Variants in ZNF175 observed in about 807,000 individuals in gnomAD.
ZNF175 encodes zinc finger protein 175.
A neutral mutation model predicts 14.0 loss-of-function variants in ZNF175; 8 were observed. That is an observed-to-expected ratio of 0.57 (90% CI 0.34 to 1.03). The LOEUF is 1.03. Among genes scored for constraint, ZNF175 ranks in the 50% least tolerant of loss-of-function variants. The pLI is 0.03. For synonymous variants in ZNF175, 255 were observed against 296.8 expected, an observed-to-expected ratio of 0.86 and a Z score of 1.45; for missense variants, 764 against 849.5, an observed-to-expected ratio of 0.90 and a Z score of 1.25.
intron 4 of ZNF175, among the ~76,000 whole-genome samples, chr19:51,585,755 A>AAAAAC (rs547803912): frequency 8.5e-5 from 13 of 152,310 alleles, no homozygotes; most frequent in Middle Eastern, 3.4e-3. Flanking sequence ...TTCTTGGCAA[A>AAAAAC]AAAACAAAAC....
chr19:51,581,644 T>C (rs954391411), intron 3 of ZNF175, 127 bp downstream of exon 3: 37 of 1,518,374 alleles, frequency 2.4e-5, no homozygotes, highest in Non-Finnish European at 3.3e-5. Context: ...CTGGATTGTT[T>C]GTTTCTTTTG....
At position 51,573,378 on chromosome 19, in the gene ZNF175, G is replaced by C. The variant is rs777637982; in HGVS notation, c.49G>C (p.Glu17Gln). 10 of 1,612,528 alleles carry C rather than the reference G, an allele frequency of 6.2e-6. No individual in the cohort carries two copies. The Admixed American group carries it at 6.7e-5, about 11-fold the overall frequency. The stretch of plus-strand genomic sequence containing the variant: ...CCAGAAGCCTCAGGTCCTGGGTCCA[G>C]AGAAGCAGGATGGATCTTGCGAGGT... ...LSQKPQVLGP[E>Q]KQDGSCEASV... The change falls in exon 2 of 5, where the codon GAG becomes CAG. Residue 17 changes from glutamate to glutamine, a missense_variant. Coordinates refer to ENST00000262259, the MANE Select transcript of ZNF175 (RefSeq NM_007147.4).
Position 51,573,250 on chromosome 19 carries a change from A to T in ZNF175, c.-80A>T. ...CGCCGTGTCCCTGGTTGGAAAATCC[A>T]AACACCTATCCAGCTTCTGGCTCCT... On this transcript the variant is annotated 5_prime_UTR_variant, in exon 2 of 5. Transcript: ENST00000262259. The T allele has an allele frequency of 6.8e-7, 1 of 1,470,520 alleles. No individual in the cohort carries two copies. Among genetic ancestry groups the T allele is most frequent in the African/African-American group, 1.4e-5 (1 of 71,358 alleles). The allele number at this position is 1,470,520 out of a possible 1,614,324, so 91.1% of individuals were successfully genotyped here.
intron 2 of ZNF175, among the ~76,000 whole-genome samples, chr19:51,579,830 T>C (rs1004041965): frequency 6.6e-6 from 1 of 152,202 alleles, no homozygotes; most frequent in Non-Finnish European, 1.5e-5. Context: ...ACTCACCACA[T>C]GTAGCTATTG....
At chr19:51,582,550 G>A in intron 4 of ZNF175, among the ~76,000 whole-genome samples, 1 of 152,134 alleles carries the variant, frequency 6.6e-6, no homozygotes, top group East Asian at 1.9e-4. Context: ...GCCCACCTCG[G>A]CCTCCCAAAG....
At chr19:51,575,221 T>G (rs1367908723) in intron 2 of ZNF175, among the ~76,000 whole-genome samples, 7 of 134,856 alleles carry the variant, frequency 5.2e-5, no homozygotes, top group African/African-American at 1.5e-4. Context: ...TTTTTTTTTT[T>G]TTTTTTTTTT....
intron 2 of ZNF175, among the ~76,000 whole-genome samples, chr19:51,576,807 C>T (rs1036282623): frequency 3.3e-5 from 5 of 152,108 alleles, no homozygotes; most frequent in African/African-American, 1.2e-4. Context: ...AATCCTTTGG[C>T]TTTCTCTTCC....
chr19:51,579,344 C>T (rs969801190), intron 2 of ZNF175, among the ~76,000 whole-genome samples: 2 of 151,122 alleles, frequency 1.3e-5, no homozygotes, highest in African/African-American at 4.9e-5. Context: ...TCGCTTGAGT[C>T]TGAGAGGCAG....
At chr19:51,577,913 T>A (rs1035476461) in intron 2 of ZNF175, among the ~76,000 whole-genome samples, 3 of 151,222 alleles carry the variant, frequency 2.0e-5, no homozygotes, top group Admixed American at 6.6e-5. Context: ...TCCGCCCGCC[T>A]TGGCCTCCCA....
At chr19:51,577,818 C>T (rs373246557) in intron 2 of ZNF175, among the ~76,000 whole-genome samples, 44 of 152,000 alleles carry the variant, frequency 2.9e-4, no homozygotes, top group East Asian at 9.9e-4. Flanking sequence ...CGCCCGCCAC[C>T]ACACCAAGCT....
rs1196579483 is a variant in ZNF175, at chr19:51,589,934, T to C, written c.*1467T>C. The C allele has an allele frequency of 3.5e-6, 1 of 289,578 alleles. No homozygotes were observed. The highest frequency in any genetic ancestry group is 6.4e-6 in the Non-Finnish European group (1 of 155,184). 17.9% of individuals were successfully genotyped at this position (289,578 alleles called of 1,614,324 possible). On this transcript the variant is annotated 3_prime_UTR_variant, in exon 5 of 5. Transcript: ENST00000262259. The stretch of plus-strand genomic sequence containing the variant: ...CTATGTTCATCATCATATACCTGTG[T>C]AAGTACTCTTTCATTGATTTATAAA...
At position 51,589,447 on chromosome 19, in the gene ZNF175, C is replaced by T. The variant is rs750701578; in HGVS notation, c.*980C>T. On this transcript the variant is annotated 3_prime_UTR_variant, in exon 5 of 5. Coordinates refer to ENST00000262259, the MANE Select transcript of ZNF175 (RefSeq NM_007147.4). ...AGGTTGTATCAACAATGATTAACTC[C>T]TTTATTATACATACACATGAATGTG... is the stretch of plus-strand genomic sequence containing the variant. 8.6e-5 allele frequency: 55 copies of T among 638,526 alleles called. No individual in the cohort carries two copies. Among genetic ancestry groups the T allele is most frequent in the Non-Finnish European group, 1.4e-4 (48 of 355,500 alleles). 39.6% of individuals were successfully genotyped at this position (638,526 alleles called of 1,614,324 possible). A position where few individuals can be genotyped will look rare whatever the true frequency, so the allele number is the denominator to read the frequency against.
At position 51,581,446 on chromosome 19, in the gene ZNF175, A is replaced by G. The variant is rs1362171738; in HGVS notation, c.128A>G (p.Gln43Arg). 12 of 1,614,048 alleles carry G rather than the reference A, an allele frequency of 7.4e-6. No individual in the cohort carries two copies. The highest frequency in any genetic ancestry group is 1.0e-5 in the Non-Finnish European group (12 of 1,180,044). Residue 43 changes from glutamine to arginine, a missense_variant, in exon 3 of 5, where the codon CAA (glutamine) becomes CGA (arginine). Gln to Arg is a conservative substitution (Grantham distance 43). Transcript: ENST00000262259. The part of the protein sequence containing the change: ...TVDFSREEWQ[Q>R]LDPAQRCLYR... ...GACTTCAGCAGGGAGGAGTGGCAGC[A>G]ACTGGACCCTGCCCAGAGATGCCTG...
chr19:51,581,935 C>G (rs1568575016), intron 4 of ZNF175, 53 bp downstream of exon 4: 2 of 1,524,586 alleles, frequency 1.3e-6, no homozygotes, highest in Non-Finnish European at 1.8e-6. Context: ...GAACCATTAC[C>G]AGTCTACCAT....
At chr19:51,573,516 C>G in intron 2 of ZNF175, 115 bp downstream of exon 2, 1 of 947,306 alleles carries the variant, frequency 1.1e-6, no homozygotes, top group Non-Finnish European at 1.6e-6. Context: ...CAAGCGAGGA[C>G]CACAGAGGCT....
Position 51,588,213 on chromosome 19 carries a change from T to C in ZNF175, c.1882T>C (p.Ser628Pro). Residue 628 changes from serine (S) to proline (P), a missense_variant, in exon 5 of 5, where the codon TCA (serine) becomes CCA (proline). Physicochemically the swap from Ser to Pro is moderately conservative, Grantham distance 74. Coordinates refer to ENST00000262259, the MANE Select transcript of ZNF175 (RefSeq NM_007147.4). ...YKCGKAFVQK[S>P]ELITHQRTHM... ...ATGTGGGAAGGCTTTTGTCCAGAAA[T>C]CAGAGTTGATTACCCATCAAAGAAC... 1 of 1,613,978 alleles carries C rather than the reference T, an allele frequency of 6.2e-7. No individual in the cohort carries two copies. Among genetic ancestry groups the C allele is most frequent in the Non-Finnish European group, 8.5e-7 (1 of 1,179,988 alleles).
At chr19:51,575,222 T>G (rs1458479021) in intron 2 of ZNF175, among the ~76,000 whole-genome samples, 2 of 137,912 alleles carry the variant, frequency 1.5e-5, no homozygotes, top group South Asian at 2.3e-4. Context: ...TTTTTTTTTT[T>G]TTTTTTTTTT....
intron 2 of ZNF175, among the ~76,000 whole-genome samples, chr19:51,578,268 C>T (rs551755147): frequency 1.3e-5 from 2 of 151,848 alleles, no homozygotes; most frequent in South Asian, 2.1e-4. Flanking sequence ...GGCATGGTGG[C>T]GGGTGCCTGT....
Position 51,587,472 on chromosome 19 carries a change from C to T in ZNF175, c.1141C>T (p.His381Tyr). ...AFFQMLSLFR[H>Y]QRTHSREKLY... The stretch of plus-strand genomic sequence containing the variant: ...TTTCCAGATGTTATCTCTCTTCAGA[C>T]ATCAGAGAACTCACAGTAGAGAAAA... Residue 381 changes from histidine (H) to tyrosine (Y), a missense_variant, in exon 5 of 5, where the codon CAT (histidine) becomes TAT (tyrosine). By Grantham distance (83) the His-to-Tyr change is moderately conservative. Transcript: ENST00000262259. 9 of 1,614,210 alleles carry T rather than the reference C, an allele frequency of 5.6e-6. No homozygotes were observed. Among genetic ancestry groups the T allele is most frequent in the Non-Finnish European group, 6.8e-6 (8 of 1,180,032 alleles).
Sources: allele counts gnomAD v4.1 joint callset (sites outside exome capture counted in the v4.1 genomes callset), GRCh38; gene constraint gnomAD v4.1.1; transcripts MANE v1.5; gene names NCBI Gene and HGNC (gene_info 2026-07-23, HGNC 2026-07-21).